The following SCARF1 variants were observed in gnomAD, a reference collection of about 807,000 sequenced individuals.
The protein encoded by SCARF1 is scavenger receptor class F member 1, also known as acetyl LDL receptor.
SCARF1 carries 49 observed loss-of-function variants against 76.3 expected under a neutral mutation model. That is an observed-to-expected ratio of 0.64 (90% CI 0.51 to 0.81). SCARF1 has a LOEUF of 0.81. Ranked by LOEUF, SCARF1 falls within the 40% of genes least tolerant of loss-of-function variation. SCARF1 has a pLI of 0.00. For missense variants in SCARF1, 1,098 were observed against 1,143.9 expected, an observed-to-expected ratio of 0.96 and a Z score of 0.58; for synonymous variants, 495 against 474.6, an observed-to-expected ratio of 1.04 and a Z score of -0.56.
At position 1,644,712 on chromosome 17, in the gene SCARF1, A is replaced by C; in HGVS notation, c.265+122T>G. ...TCTCTGGACCGCAATTCCTCAGTGAAGCTGGGGGGGATTCTGGCCCTGCTG... is the reference window on the plus strand; with the variant it reads ...TCTCTGGACCGCAATTCCTCAGTGACGCTGGGGGGGATTCTGGCCCTGCTG... On this transcript the variant is annotated intron_variant, in intron 3 of 10. Transcript: ENST00000263071. This position sits in a 1 kb window ranked among gnomAD's most constrained non-coding sequence, Gnocchi z 4.8. The C allele has an allele frequency of 1.1e-6, 1 of 910,316 alleles. No individual in the cohort carries two copies. Among genetic ancestry groups the C allele is most frequent in the Non-Finnish European group, 1.7e-6 (1 of 588,472 alleles). 56.4% of individuals were successfully genotyped at this position (910,316 alleles called of 1,614,324 possible). A position where few individuals can be genotyped will look rare whatever the true frequency, so the allele number is the denominator to read the frequency against.
chr17:1,634,617 G>A lies in SCARF1; in HGVS notation c.*141C>T. Reference sequence around the variant, plus strand: ...CCTCCGGGAGCACTGCCAGGGGCCTGGGCCAACTGGCCTGGAAGCCTTGCC... The same window carrying A: ...CCTCCGGGAGCACTGCCAGGGGCCTAGGCCAACTGGCCTGGAAGCCTTGCC... On this transcript the variant is annotated 3_prime_UTR_variant, in exon 11 of 11. Transcript: ENST00000263071. 1 of 1,230,800 alleles carries A rather than the reference G, an allele frequency of 8.1e-7. No individual in the cohort carries two copies. Among genetic ancestry groups the A allele is most frequent in the Non-Finnish European group, 1.1e-6 (1 of 900,480 alleles). 76.2% of individuals were successfully genotyped at this position (1,230,800 alleles called of 1,614,324 possible). A position where few individuals can be genotyped will look rare whatever the true frequency, so the allele number is the denominator to read the frequency against.
chr17:1,636,858 G>A lies in SCARF1; in HGVS notation c.1487-3C>T, dbSNP rs1909611259. The stretch of plus-strand genomic sequence containing the variant: ...GACCTCCGGGTCGTGATGTGAGACT[G>A]TAGAGACTCCAGATCAGGCGCCTGC... On this transcript the variant is annotated splice_region_variant and splice_polypyrimidine_tract_variant and intron_variant, in intron 9 of 10. Transcript: ENST00000263071. 1.9e-6 allele frequency: 3 copies of A among 1,614,016 alleles called. No individual in the cohort carries two copies. The highest frequency in any genetic ancestry group is 2.5e-6 in the Non-Finnish European group (3 of 1,179,938).
At position 1,640,591 on chromosome 17, in the gene SCARF1, G is replaced by T; in HGVS notation, c.867C>A (p.Asn289Lys). 6.2e-7 allele frequency: 1 copy of T among 1,612,152 alleles called. No homozygotes were observed. Among genetic ancestry groups the T allele is most frequent in the Non-Finnish European group, 8.5e-7 (1 of 1,179,586 alleles). ...GSCESCEPGW[N>K]GTQCQQPCLP... is the part of the protein sequence containing the mutation. ...GGCAGGGCTGCTGGCACTGGGTCCCGTTCCAGCCCGGCTCGCAGGACTCAC... is the reference window on the plus strand; with the variant it reads ...GGCAGGGCTGCTGGCACTGGGTCCCTTTCCAGCCCGGCTCGCAGGACTCAC... Residue 289 changes from asparagine to lysine, a missense_variant, in exon 5 of 11, where the codon AAC (asparagine) becomes AAA (lysine). By Grantham distance (94) the Asn-to-Lys change is moderately conservative (BLOSUM62 0). Transcript: ENST00000263071. The surrounding 1 kb of genome is among the most constrained non-coding windows in gnomAD (Gnocchi z 4.7).
In SCARF1 at chr17:1,644,715, T is replaced by C; in HGVS notation, c.265+119A>G. 1 of 926,428 alleles carries C rather than the reference T, an allele frequency of 1.1e-6. No individual in the cohort carries two copies. The highest frequency in any genetic ancestry group is 2.1e-5 in the Admixed American group (1 of 47,438). 57.4% of individuals were successfully genotyped at this position (926,428 alleles called of 1,614,324 possible). A position where few individuals can be genotyped will look rare whatever the true frequency, so the allele number is the denominator to read the frequency against. On this transcript the variant is annotated intron_variant, in intron 3 of 10. Coordinates refer to ENST00000263071, the MANE Select transcript of SCARF1 (RefSeq NM_003693.4). The surrounding 1 kb of genome is among the most constrained non-coding windows in gnomAD (Gnocchi z 4.8). ...CTGGACCGCAATTCCTCAGTGAAGC[T>C]GGGGGGGATTCTGGCCCTGCTGTCC...
chr17:1,637,546 C>T (rs1401454771), intron 8 of SCARF1, among the ~76,000 whole-genome samples: 1 of 152,132 alleles, frequency 6.6e-6, no homozygotes, highest in Non-Finnish European at 1.5e-5. Context: ...GATCTTGGCT[C>T]ACCGCAACCT....
rs773366937 is a variant in SCARF1 at position 1,639,956 on chromosome 17, A to G, written c.1095T>C (p.Thr365=). 1.2e-6 allele frequency: 2 copies of G among 1,613,934 alleles called. No homozygotes were observed. The highest frequency in any genetic ancestry group is 1.1e-5 in the South Asian group (1 of 91,086). Residue 365 remains threonine, a synonymous_variant, in exon 6 of 11, where the codon ACT becomes ACC. Coordinates refer to ENST00000263071, the MANE Select transcript of SCARF1 (RefSeq NM_003693.4). The part of the protein sequence containing the change: ...CPTCVQGSCD[T]VTGDCVCSAG... ...CACTGCAGACACAGTCCCCTGTCAC[A>G]GTATCACAGGACCCCTGAACACAGG...
In SCARF1 at chr17:1,634,138, C is replaced by T. The variant is rs572201336; in HGVS notation, c.*620G>A. ...GCGTGGTGGCTCATGCCTGTCATCC[C>T]AGCACTTTGGGAGGCCGAGGCAGGT... On this transcript the variant is annotated 3_prime_UTR_variant, in exon 11 of 11. Coordinates refer to ENST00000263071, the MANE Select transcript of SCARF1 (RefSeq NM_003693.4). 6.5e-6 allele frequency: 1 copy of T among 152,952 alleles called. No homozygotes were observed. Among genetic ancestry groups the T allele is most frequent in the African/African-American group, 2.4e-5 (1 of 41,582 alleles). 9.5% of individuals were successfully genotyped at this position (152,952 alleles called of 1,614,324 possible).
At position 1,645,215 on chromosome 17, in the gene SCARF1, G is replaced by A. The variant is rs140238553; in HGVS notation, c.126C>T (p.Cys42=). 103 of 1,613,422 alleles carry A rather than the reference G, an allele frequency of 6.4e-5. No homozygotes were observed. The highest frequency in any genetic ancestry group is 5.9e-4 in the African/African-American group (44 of 74,890). ...ASSPSAELQC[C]AGWRQKDQEC... Reference sequence around the variant, plus strand: ...CTTGATCCTTCTGCCTCCAGCCTGCGCAGCACTGCAGCTCAGCAGAGGGGC... The same window carrying A: ...CTTGATCCTTCTGCCTCCAGCCTGCACAGCACTGCAGCTCAGCAGAGGGGC... The change falls in exon 2 of 11, where the codon TGC becomes TGT. Residue 42 remains cysteine (C), a synonymous_variant. Transcript: ENST00000263071. The surrounding 1 kb of genome is among the most constrained non-coding windows in gnomAD (Gnocchi z 6.3).
chr17:1,637,060 G>A lies in SCARF1; in HGVS notation c.1367C>T (p.Pro456Leu). ...WAPRSDLKDRPARDGATVSRM... is the reference protein window; with the variant it reads ...WAPRSDLKDRLARDGATVSRM... The stretch of plus-strand genomic sequence containing the variant: ...GGACACGGTAGCTCCATCTCTCGCT[G>A]GCCTGAGGGAGGAGGGTAGGGACAC... Residue 456 changes from proline (P) to leucine (L), a missense_variant and splice_region_variant, in exon 9 of 11, where the codon CCA becomes CTA. Transcript: ENST00000263071. 2 of 1,613,868 alleles carry A rather than the reference G, an allele frequency of 1.2e-6. No homozygotes were observed. The highest frequency in any genetic ancestry group is 1.7e-6 in the Non-Finnish European group (2 of 1,180,002).
At position 1,640,135 on chromosome 17, in the gene SCARF1, GGAC is replaced by G; in HGVS notation, c.1011-98_1011-96del. ...CTCCGCCCCACGCTCCTGGACTCAA[GGAC>G]CCAACTGGCCACTCCTCAGCAGTGA... On this transcript the variant is annotated intron_variant, in intron 5 of 10. Transcript: ENST00000263071. This position sits in a 1 kb window ranked among gnomAD's most constrained non-coding sequence, Gnocchi z 4.7. 1.4e-6 allele frequency: 2 copies of G among 1,440,830 alleles called. No individual in the cohort carries two copies. Among genetic ancestry groups the G allele is most frequent in the Non-Finnish European group, 1.9e-6 (2 of 1,062,594 alleles). The allele number at this position is 1,440,830 out of a possible 1,614,324, so 89.3% of individuals were successfully genotyped here. A position where few individuals can be genotyped will look rare whatever the true frequency, so the allele number is the denominator to read the frequency against.
At position 1,638,700 on chromosome 17, in the gene SCARF1, C is replaced by T. The variant is rs1909784341; in HGVS notation, c.1364+106G>A. The T allele has an allele frequency of 2.0e-5, 28 of 1,372,964 alleles. No homozygotes were observed. In the East Asian group the frequency reaches 6.3e-4, roughly 31 times the overall value. 85.0% of individuals were successfully genotyped at this position (1,372,964 alleles called of 1,614,324 possible). ...CCCCACCCCCATCACCTCTGACCCA[C>T]GTGGGCAACAAGGCCAGCCCTCCCC... On this transcript the variant is annotated intron_variant, in intron 8 of 10. Transcript: ENST00000263071.
chr17:1,645,072 G>A lies in SCARF1; in HGVS notation c.163+106C>T. On this transcript the variant is annotated intron_variant, in intron 2 of 10. Transcript: ENST00000263071. This position sits in a 1 kb window ranked among gnomAD's most constrained non-coding sequence, Gnocchi z 6.3. ...GGGGGTGCGTCACAGGAGAAACCCT[G>A]ACTCCTGGTATCAGGAGGGGCAGGC... 1 of 1,537,414 alleles carries A rather than the reference G, an allele frequency of 6.5e-7. No individual in the cohort carries two copies. The highest frequency in any genetic ancestry group is 8.9e-7 in the Non-Finnish European group (1 of 1,120,758).
intron 7 of SCARF1, 35 bp from the exon 8 acceptor site, chr17:1,638,961 T>C (rs1157939848): frequency 6.4e-7 from 1 of 1,550,590 alleles, no homozygotes; most frequent in Admixed American, 1.8e-5. Context: ...ATTCAGGCCT[T>C]CCTGTCTCCT....
chr17:1,644,986 A>C lies in SCARF1; in HGVS notation c.164-51T>G. ...AAAGACGGGAGCAGGACCAGGGGAC[A>C]CCCCTGCCCTCTCACTGGCTCCAGG... On this transcript the variant is annotated intron_variant, in intron 2 of 10. Transcript: ENST00000263071. The surrounding 1 kb of genome is among the most constrained non-coding windows in gnomAD (Gnocchi z 4.8). The C allele has an allele frequency of 1.3e-6, 2 of 1,582,624 alleles. No individual in the cohort carries two copies. The highest frequency in any genetic ancestry group is 1.8e-5 in the Admixed American group (1 of 56,346).
rs777187573 is a variant in SCARF1 at position 1,640,475 on chromosome 17, C to T, written c.983G>A (p.Arg328His). The T allele has an allele frequency of 1.2e-5, 19 of 1,566,112 alleles. No homozygotes were observed. The highest frequency in any genetic ancestry group is 2.4e-5 in the East Asian group (1 of 41,938). Residue 328 changes from arginine (R) to histidine (H), a missense_variant, in exon 5 of 11, where the codon CGC (arginine) becomes CAC (histidine). Coordinates refer to ENST00000263071, the MANE Select transcript of SCARF1 (RefSeq NM_003693.4). The surrounding 1 kb of genome is among the most constrained non-coding windows in gnomAD (Gnocchi z 4.7). ...GGGCCCCAGCCAGCCAGGGTCACAG[C>T]GCTGACAGTGGCCAGTATCTGGCTC... ...ACEPDTGHCQ[R>H]CDPGWLGPRC... is the part of the protein sequence containing the mutation.
At chr17:1,641,183 A>G (rs1474618598) in intron 4 of SCARF1, among the ~76,000 whole-genome samples, 1 of 152,250 alleles carries the variant, frequency 6.6e-6, no homozygotes, top group Non-Finnish European at 1.5e-5. Flanking sequence ...ACTGGGCGAC[A>G]GCGTAGAGAT....
rs1257629691 is a variant in SCARF1, at chr17:1,635,739, G to A, written c.1634-122C>T. The A allele has an allele frequency of 4.0e-6, 5 of 1,236,002 alleles. No individual in the cohort carries two copies. In the African/African-American group the frequency reaches 7.6e-5, roughly 19 times the overall value. The allele number at this position is 1,236,002 out of a possible 1,614,324, so 76.6% of individuals were successfully genotyped here. A position where few individuals can be genotyped will look rare whatever the true frequency, so the allele number is the denominator to read the frequency against. On this transcript the variant is annotated intron_variant, in intron 10 of 10. Coordinates refer to ENST00000263071, the MANE Select transcript of SCARF1 (RefSeq NM_003693.4). ...GGGCAAGGAAGAGGGCAAGGATGAG[G>A]AGAGTGGCAGAAGGACCAATTCAGG...
At chr17:1,642,017 C>T (rs1910091428) in intron 4 of SCARF1, among the ~76,000 whole-genome samples, 1 of 152,154 alleles carries the variant, frequency 6.6e-6, no homozygotes, top group Non-Finnish European at 1.5e-5. Flanking sequence ...CCACCGCGCC[C>T]AGCCAGGGAT....
chr17:1,634,895 T>C lies in SCARF1; in HGVS notation c.2356A>G (p.Ser786Gly). Residue 786 changes from serine (S) to glycine (G), a missense_variant, in exon 11 of 11, where the codon AGT (serine) becomes GGT (glycine). Transcript: ENST00000263071. Reference sequence around the variant, plus strand: ...ACTGGCTCCTGGGCTCTCCTTGAACTCTCGGTGCCAGCCCCCAGCCCCCGG... The same window carrying C: ...ACTGGCTCCTGGGCTCTCCTTGAACCCTCGGTGCCAGCCCCCAGCCCCCGG... ...AVRGLGAGTE[S>G]SRRAQEPVSG... 6.2e-7 allele frequency: 1 copy of C among 1,613,690 alleles called. No individual in the cohort carries two copies. The highest frequency in any genetic ancestry group is 1.7e-4 in the Middle Eastern group (1 of 6,058).
Sources: allele counts gnomAD v4.1 joint callset (sites outside exome capture counted in the v4.1 genomes callset), GRCh38; gene constraint gnomAD v4.1.1; non-coding constraint Gnocchi (gnomAD v3.1); transcripts MANE v1.5; gene names NCBI Gene and HGNC (gene_info 2026-07-23, HGNC 2026-07-21).